Variants in TANGO6 observed in about 807,000 individuals in gnomAD.
TANGO6 encodes the protein transport and golgi organization 6 homolog.
A neutral mutation model predicts 114.2 loss-of-function variants in TANGO6; 90 were observed. The ratio of observed to expected loss-of-function variants is 0.79; its 90% CI spans 0.66 to 0.94. The LOEUF (loss-of-function observed/expected upper bound fraction) is 0.94, where lower values mean the gene tolerates loss of function less well. Ranked by LOEUF, TANGO6 falls within the 40% of genes least tolerant of loss-of-function variation. The pLI is 0.00. For synonymous variants in TANGO6, 477 were observed against 509.8 expected (o/e 0.94, Z 0.87); for missense variants, 1,274 against 1,315.3 (o/e 0.97, Z 0.49).
At chr16:68,916,467 C>T (rs148272437) in intron 11 of TANGO6, among the ~76,000 whole-genome samples, 295 of 152,008 alleles carry the variant, frequency 1.9e-3, no homozygotes, top group Middle Eastern at 6.8e-3. Context: ...CCCTCCCGCC[C>T]CTGCCAACCC....
intron 17 of TANGO6, among the ~76,000 whole-genome samples, chr16:69,063,664 A>AAAC (rs1567568895): frequency 1.3e-5 from 2 of 148,936 alleles, no homozygotes; most frequent in African/African-American, 4.9e-5. Context: ...AAAAAAAAAA[A>AAAC]AAAAAACAAA....
At chr16:68,924,544 T>C (rs1219395227) in intron 12 of TANGO6, among the ~76,000 whole-genome samples, 1 of 151,366 alleles carries the variant, frequency 6.6e-6, no homozygotes, top group East Asian at 1.9e-4. Context: ...TCCCAGCACT[T>C]TGGGAGGCTG....
chr16:69,043,370 C>T (rs1419463975), intron 17 of TANGO6, among the ~76,000 whole-genome samples: 1 of 151,768 alleles, frequency 6.6e-6, no homozygotes, highest in Non-Finnish European at 1.5e-5. Context: ...GAAATAGAAA[C>T]TCTATCCAGA....
At chr16:68,974,215 G>A (rs778186668) in intron 15 of TANGO6, 47 bp downstream of exon 15, 2 of 1,612,558 alleles carry the variant, frequency 1.2e-6, no homozygotes, top group Non-Finnish European at 1.7e-6. Flanking sequence ...GAGGATCAGT[G>A]TGACTTTGAA....
intron 15 of TANGO6, among the ~76,000 whole-genome samples, chr16:68,997,036 C>T (rs547477463): frequency 7.1e-4 from 108 of 152,234 alleles, no homozygotes; most frequent in Non-Finnish European, 1.1e-3. Flanking sequence ...AGGTTTTTAA[C>T]TTCTGGCATA....
At chr16:68,980,417 A>C (rs1236015746) in intron 15 of TANGO6, among the ~76,000 whole-genome samples, 436 of 34,782 alleles carry the variant, frequency 0.013, 1 homozygote, top group Non-Finnish European at 0.018. Flanking sequence ...CTCTATATAT[A>C]TATATATATA....
intron 3 of TANGO6, among the ~76,000 whole-genome samples, chr16:68,866,134 C>T (rs1312768204): frequency 6.6e-6 from 1 of 152,068 alleles, no homozygotes; most frequent in Non-Finnish European, 1.5e-5. Flanking sequence ...CGAAGATCTA[C>T]ATTTTAATTG....
chr16:68,970,813 C>T (rs1294851077), intron 14 of TANGO6, among the ~76,000 whole-genome samples: 1 of 152,106 alleles, frequency 6.6e-6, no homozygotes, highest in East Asian at 1.9e-4. Flanking sequence ...GACTACATTC[C>T]TAAAAGGAAA....
At chr16:69,065,115 G>C (rs929792361) in intron 17 of TANGO6, among the ~76,000 whole-genome samples, 4 of 152,210 alleles carry the variant, frequency 2.6e-5, no homozygotes, top group Middle Eastern at 3.2e-3. Context: ...TTCAGGGCTT[G>C]TGGGGGTGTA....
At chr16:69,072,083 C>CGTGT (rs142254866) in intron 17 of TANGO6, among the ~76,000 whole-genome samples, 26 of 65,064 alleles carry the variant, frequency 4.0e-4, no homozygotes, top group African/African-American at 8.1e-4. Context: ...AGAGGGAGAC[C>CGTGT]GTGTGTGTGT....
chr16:68,884,828 G>A (rs1962517413), intron 7 of TANGO6, among the ~76,000 whole-genome samples: 1 of 152,168 alleles, frequency 6.6e-6, no homozygotes, highest in African/African-American at 2.4e-5. Flanking sequence ...CCAAAAAAGA[G>A]GGAGGAAACC....
chr16:68,909,398 C>T lies in TANGO6; in HGVS notation c.1988C>T (p.Thr663Ile), dbSNP rs548364009. The change falls in exon 11 of 18, where the codon ACT (threonine) becomes ATT (isoleucine). Residue 663 changes from threonine (T) to isoleucine (I), a missense_variant. Thr to Ile is a moderately conservative substitution (Grantham distance 89). Around this residue, in one of 5 missense-constraint regions of TANGO6, gnomAD observed 908 missense variants for 910.2 expected, o/e 1.00. Transcript: ENST00000261778. ...TCTGAGCAGATATTCACAAACGTCA[C>T]TCAGGTCAGTAGTTGCCACATTCTG... ...RMSEQIFTNV[T>I]QVVDFVAATL... The T allele has an allele frequency of 3.3e-6, 5 of 1,530,350 alleles. No individual in the cohort carries two copies. The South Asian group carries it at 6.3e-5, about 19-fold the overall frequency. The allele number at this position is 1,530,350 out of a possible 1,614,324, so 94.8% of individuals were successfully genotyped here. A position where few individuals can be genotyped will look rare whatever the true frequency, so the allele number is the denominator to read the frequency against.
chr16:68,966,888 C>A (rs964336760), intron 14 of TANGO6, among the ~76,000 whole-genome samples: 2 of 151,676 alleles, frequency 1.3e-5, no homozygotes, highest in African/African-American at 4.8e-5. Context: ...TTTCTTGCCT[C>A]AGCCTCCCAA....
chr16:68,874,809 G>C (rs1419971703), intron 4 of TANGO6, among the ~76,000 whole-genome samples: 2 of 152,042 alleles, frequency 1.3e-5, no homozygotes, highest in Non-Finnish European at 2.9e-5. Flanking sequence ...AATTACCTGG[G>C]CATGGTGGTG....
At chr16:69,065,043 G>A (rs550284890) in intron 17 of TANGO6, among the ~76,000 whole-genome samples, 3 of 152,220 alleles carry the variant, frequency 2.0e-5, no homozygotes, top group Non-Finnish European at 2.9e-5. Flanking sequence ...CTCTTTTCTC[G>A]TAAGCAGTAG....
intron 15 of TANGO6, among the ~76,000 whole-genome samples, chr16:69,008,142 C>CT (rs372364157): frequency 0.011 from 1,657 of 150,862 alleles, 27 homozygotes; most frequent in African/African-American, 0.038. Flanking sequence ...AAAAAATAGA[C>CT]TTTTTTTTTA....
At position 68,919,145 on chromosome 16, in the gene TANGO6, G is replaced by A. The variant is rs1177603556; in HGVS notation, c.2053G>A (p.Glu685Lys). 1 of 1,612,984 alleles carries A rather than the reference G, an allele frequency of 6.2e-7. No homozygotes were observed. Among genetic ancestry groups the A allele is most frequent in the Non-Finnish European group, 8.5e-7 (1 of 1,179,608 alleles). Residue 685 changes from glutamate (E) to lysine (K), a missense_variant, in exon 12 of 18, where the codon GAG (glutamate) becomes AAG (lysine). This residue lies in a region of TANGO6 where 908 missense variants were observed against 910.2 expected (regional missense o/e 1.00). Transcript: ENST00000261778. ...CTGTGCAAGCCTGGCCCATCAGGCA[G>A]AGAGCACCGTGGAATCACAGACGCT... The part of the protein sequence containing the change: ...RACASLAHQA[E>K]STVESQTLSM...
At chr16:68,863,913 G>A (rs938316767) in intron 3 of TANGO6, among the ~76,000 whole-genome samples, 6 of 152,154 alleles carry the variant, frequency 3.9e-5, no homozygotes, top group African/African-American at 7.2e-5. Flanking sequence ...GGTGGCTCAC[G>A]CCTGTAATCC....
intron 15 of TANGO6, among the ~76,000 whole-genome samples, chr16:69,012,859 A>G (rs1346688113): frequency 6.6e-6 from 1 of 152,180 alleles, no homozygotes; most frequent in Non-Finnish European, 1.5e-5. Context: ...TACGGTTCAA[A>G]TAAGTTTCAA....
Sources: gnomAD v4.1 joint callset for allele counts (sites outside exome capture counted in the v4.1 genomes callset) on GRCh38, gnomAD v4.1.1 for gene constraint, gnomAD v4.1.1 regional missense constraint, MANE v1.5 for transcripts, NCBI Gene and HGNC (gene_info 2026-07-23, HGNC 2026-07-21) for gene names.